Variants in NUDCD3 observed in about 807,000 individuals in gnomAD.
NUDCD3 encodes NudC domain containing 3, also known as nudC domain-containing protein 3.
In NUDCD3, 13 loss-of-function variants were observed where a neutral mutation model predicts 39.7. The observed-to-expected ratio is 0.33, with a 90% confidence interval of 0.21 to 0.52. NUDCD3 has a LOEUF of 0.52. Ranked by LOEUF, NUDCD3 falls within the 20% of genes least tolerant of loss-of-function variation. The pLI is 0.96. For synonymous variants in NUDCD3, 175 were observed against 172.4 expected, an observed-to-expected ratio of 1.02 and a Z score of -0.12; for missense variants, 453 against 458.1, an observed-to-expected ratio of 0.99 and a Z score of 0.10.
At position 44,410,921 on chromosome 7, in the gene NUDCD3, G is replaced by A. The variant is rs554277257; in HGVS notation, c.643-6338C>T. Among the ~76,000 whole-genome samples, 40 of 151,660 alleles carry A rather than the reference G, an allele frequency of 2.6e-4. 1 individual carries two copies. The highest frequency in any genetic ancestry group is 2.2e-3 in the Admixed American group (33 of 15,230). ...GCAGAAGTTGCAGTGAGCCAAGATC[G>A]CGTCACTGCACTCCAGCCTGGCAAC... On this transcript the variant is annotated intron_variant, in intron 3 of 5. Transcript: ENST00000355451.
chr7:44,384,773 T>A lies in NUDCD3; in HGVS notation c.*1238A>T, dbSNP rs1302394765. 6.6e-6 allele frequency: 1 copy of A among 152,270 alleles called. No individual in the cohort carries two copies. The highest frequency in any genetic ancestry group is 1.5e-5 in the Non-Finnish European group (1 of 68,104). The allele number at this position is 152,270 out of a possible 1,614,324, so 9.4% of individuals were successfully genotyped here. ...CAGACAGGCAAATGGACAGTGCCGG[T>A]GGCAGCTGAACCATACTCCCGGCGA... On this transcript the variant is annotated 3_prime_UTR_variant, in exon 6 of 6. Coordinates refer to ENST00000355451, the MANE Select transcript of NUDCD3 (RefSeq NM_015332.4).
intron 2 of NUDCD3, among the ~76,000 whole-genome samples, chr7:44,449,169 A>G (rs1264106883): frequency 1.3e-5 from 2 of 152,212 alleles, no homozygotes; most frequent in Non-Finnish European, 2.9e-5. Flanking sequence ...TATAATCTTG[A>G]GAACACCCAC....
chr7:44,391,384 T>G (rs1454109884), intron 5 of NUDCD3, among the ~76,000 whole-genome samples: 1 of 152,166 alleles, frequency 6.6e-6, no homozygotes, highest in Non-Finnish European at 1.5e-5. Flanking sequence ...CAACAGGGCT[T>G]GCAGAACCAC....
intron 5 of NUDCD3, among the ~76,000 whole-genome samples, chr7:44,391,233 T>C (rs909797958): frequency 6.6e-6 from 1 of 152,176 alleles, no homozygotes; most frequent in Admixed American, 6.5e-5. Context: ...TAACTGTGTG[T>C]ACTAAGTGCT....
intron 2 of NUDCD3, chr7:44,468,398 G>T: frequency 2.9e-6 from 3 of 1,019,598 alleles, no homozygotes; most frequent in Non-Finnish European, 1.4e-6. Context: ...CCAGGGAGAC[G>T]AAAGAATTTG....
chr7:44,489,405 G>C (rs1800685358), intron 1 of NUDCD3, among the ~76,000 whole-genome samples: 1 of 152,146 alleles, frequency 6.6e-6, no homozygotes, highest in South Asian at 2.1e-4. Context: ...TCAAAGCTTT[G>C]GCTTCTGCTG....
intron 2 of NUDCD3, among the ~76,000 whole-genome samples, chr7:44,479,660 A>T (rs1800448169): frequency 6.6e-6 from 1 of 152,218 alleles, no homozygotes; most frequent in Admixed American, 6.5e-5. Context: ...GTCAAGTAAG[A>T]GTCATCAGAT....
chr7:44,401,517 A>G (rs1199204265), intron 4 of NUDCD3, among the ~76,000 whole-genome samples: 1 of 152,204 alleles, frequency 6.6e-6, no homozygotes, highest in Non-Finnish European at 1.5e-5. Context: ...AATGCTCTCC[A>G]TAACTCCTCT....
intron 4 of NUDCD3, among the ~76,000 whole-genome samples, chr7:44,401,253 G>C (rs1201296483): frequency 6.6e-6 from 1 of 152,166 alleles, no homozygotes; most frequent in Non-Finnish European, 1.5e-5. Flanking sequence ...AGGCAAACAG[G>C]ATCTTCGTGA....
chr7:44,392,724 G>A (rs1239022180), intron 4 of NUDCD3, among the ~76,000 whole-genome samples: 1 of 152,144 alleles, frequency 6.6e-6, no homozygotes, highest in African/African-American at 2.4e-5. Flanking sequence ...ACATACCTGA[G>A]GGGACTGACA....
chr7:44,461,387 T>C (rs553999742), intron 2 of NUDCD3, among the ~76,000 whole-genome samples: 1 of 152,284 alleles, frequency 6.6e-6, no homozygotes, highest in Non-Finnish European at 1.5e-5. Context: ...ATGCCACATA[T>C]ACATGGGATG....
chr7:44,486,304 G>A (rs1450682769), intron 1 of NUDCD3, among the ~76,000 whole-genome samples: 1 of 152,194 alleles, frequency 6.6e-6, no homozygotes, highest in Non-Finnish European at 1.5e-5. Flanking sequence ...AGTCAAAAGG[G>A]TGCTAACAGA....
At chr7:44,487,313 G>C (rs1248309391) in intron 1 of NUDCD3, among the ~76,000 whole-genome samples, 1 of 152,122 alleles carries the variant, frequency 6.6e-6, no homozygotes, top group African/African-American at 2.4e-5. Flanking sequence ...TTAAGGGAAC[G>C]CTTTGAAGTT....
chr7:44,456,818 G>A (rs1041793936), intron 2 of NUDCD3, among the ~76,000 whole-genome samples: 4 of 151,990 alleles, frequency 2.6e-5, no homozygotes, highest in African/African-American at 9.7e-5. Flanking sequence ...AGAAAATGGA[G>A]GAATGCAGGG....
chr7:44,433,550 T>C (rs1799409060), intron 2 of NUDCD3, among the ~76,000 whole-genome samples: 1 of 152,126 alleles, frequency 6.6e-6, no homozygotes, highest in African/African-American at 2.4e-5. Context: ...GTGGTATGCA[T>C]GTATGCACAC....
intron 4 of NUDCD3, among the ~76,000 whole-genome samples, chr7:44,395,962 TAC>T (rs1468543222): frequency 6.6e-6 from 1 of 152,222 alleles, no homozygotes; most frequent in Non-Finnish European, 1.5e-5. Flanking sequence ...ATGGTAATTC[TAC>T]AGTTAACTTT....
intron 2 of NUDCD3, among the ~76,000 whole-genome samples, chr7:44,434,190 T>A (rs1563175769): frequency 6.6e-6 from 1 of 152,164 alleles, no homozygotes; most frequent in Non-Finnish European, 1.5e-5. Context: ...CGTCCACTCA[T>A]GCTGATTTCA....
At chr7:44,458,601 T>C (rs1006154553) in intron 2 of NUDCD3, among the ~76,000 whole-genome samples, 1 of 150,382 alleles carries the variant, frequency 6.6e-6, no homozygotes, top group Non-Finnish European at 1.5e-5. Context: ...GAGGTTGCAG[T>C]GAGCTGAGAT....
chr7:44,468,399 A>G (rs1800177782), intron 2 of NUDCD3: 2 of 1,026,372 alleles, frequency 1.9e-6, no homozygotes, highest in South Asian at 3.2e-5. Flanking sequence ...CAGGGAGACG[A>G]AAGAATTTGT....
Sources: gnomAD v4.1 joint callset for allele counts (sites outside exome capture counted in the v4.1 genomes callset) on GRCh38, gnomAD v4.1.1 for gene constraint, MANE v1.5 for transcripts, NCBI Gene and HGNC (gene_info 2026-07-23, HGNC 2026-07-21) for gene names.